Variants in ADAM32 observed in about 807,000 individuals in gnomAD.
ADAM32 encodes ADAM metallopeptidase domain 32, also known as disintegrin and metalloproteinase domain-containing protein 32.
A neutral mutation model predicts 114.9 loss-of-function variants in ADAM32; 89 were observed. That is an observed-to-expected ratio of 0.77 (90% CI 0.65 to 0.92). ADAM32 has a LOEUF of 0.92. ADAM32 is among the 40% of genes least tolerant of loss of function. The pLI is 0.00. For synonymous variants in ADAM32, 285 were observed against 307.5 expected, an observed-to-expected ratio of 0.93 and a Z score of 0.77; for missense variants, 870 against 932.8, an observed-to-expected ratio of 0.93 and a Z score of 0.88.
chr8:39,223,069 G>T lies in ADAM32; in HGVS notation c.1356G>T (p.Pro452=). 6.3e-7 allele frequency: 1 copy of T among 1,588,108 alleles called. No individual in the cohort carries two copies. The highest frequency in any genetic ancestry group is 8.6e-7 in the Non-Finnish European group (1 of 1,167,924). Residue 452 remains proline, a synonymous_variant, in exon 14 of 25, where the codon CCG becomes CCT. Transcript: ENST00000379907. The part of the protein sequence containing the change: ...QILQSGVECR[P]KAHPECDIAE... ...TACAATCAGGCGTTGAATGTAGGCC[G>T]AAAGCACATCCTGAATGTGACATCG...
chr8:39,176,967 T>C (rs1265378302), intron 10 of ADAM32, among the ~76,000 whole-genome samples: 2 of 152,236 alleles, frequency 1.3e-5, no homozygotes, highest in African/African-American at 4.8e-5. Context: ...TTTTGATCTT[T>C]GTTGGTTTAA....
intron 2 of ADAM32, among the ~76,000 whole-genome samples, chr8:39,133,572 G>A (rs755958858): frequency 6.6e-6 from 1 of 152,186 alleles, no homozygotes; most frequent in Non-Finnish European, 1.5e-5. Context: ...GCAGTAGTGG[G>A]CCAGTCCTCA....
intron 11 of ADAM32, among the ~76,000 whole-genome samples, chr8:39,203,710 C>T (rs976935772): frequency 3.9e-5 from 6 of 152,176 alleles, no homozygotes; most frequent in Non-Finnish European, 8.8e-5. Context: ...TTAGTTGATG[C>T]GGTTTCTTCC....
chr8:39,260,304 G>T (rs34935896), intron 19 of ADAM32, among the ~76,000 whole-genome samples: 4,719 of 152,140 alleles, frequency 0.031, 102 homozygotes, highest in Non-Finnish European at 0.05. Context: ...CAATTTGGAT[G>T]CCCTTTTTTT....
At chr8:39,236,745 T>G (rs952411120) in intron 16 of ADAM32, among the ~76,000 whole-genome samples, 3 of 152,058 alleles carry the variant, frequency 2.0e-5, no homozygotes, top group African/African-American at 7.2e-5. Context: ...AACACATGGG[T>G]CAAAGAAAAA....
chr8:39,227,340 A>G (rs916996510), intron 14 of ADAM32, among the ~76,000 whole-genome samples: 6 of 152,202 alleles, frequency 3.9e-5, no homozygotes, highest in African/African-American at 1.4e-4. Context: ...ACAGGGGTAG[A>G]TGAAGCAGGA....
chr8:39,161,452 G>A lies in ADAM32; in HGVS notation c.594+487G>A, dbSNP rs990660185. 2.0e-5 allele frequency among the ~76,000 whole-genome samples: 3 copies of A among 152,288 alleles called. No individual in the cohort carries two copies. In the East Asian group the frequency reaches 5.8e-4, roughly 29 times the overall value. On this transcript the variant is annotated intron_variant, in intron 7 of 24. Transcript: ENST00000379907. ...ACCCATTCTAGTCCATTGTTTACCT[G>A]TTGAAAAGAGTACCTCGAGATTCCT...
chr8:39,264,234 T>C (rs190140632), intron 19 of ADAM32, among the ~76,000 whole-genome samples: 1 of 152,354 alleles, frequency 6.6e-6, no homozygotes, highest in East Asian at 1.9e-4. Flanking sequence ...GTGAGCATAA[T>C]ACTTGTAACT....
chr8:39,135,149 C>G (rs866537839), intron 2 of ADAM32, among the ~76,000 whole-genome samples: 4 of 152,138 alleles, frequency 2.6e-5, no homozygotes, highest in South Asian at 4.1e-4. Flanking sequence ...GAGCGAAACT[C>G]TGTCGCAAGA....
chr8:39,145,790 G>A (rs1230459111), intron 3 of ADAM32, among the ~76,000 whole-genome samples: 7 of 151,992 alleles, frequency 4.6e-5, no homozygotes, highest in Admixed American at 2.6e-4. Flanking sequence ...GGAAAGCAGT[G>A]GTGGCATCTC....
chr8:39,176,456 T>C (rs967803113), intron 10 of ADAM32, among the ~76,000 whole-genome samples: 4 of 152,206 alleles, frequency 2.6e-5, no homozygotes, highest in African/African-American at 9.6e-5. Flanking sequence ...CAGGAGTCCT[T>C]TGGGAGCAGG....
intron 17 of ADAM32, among the ~76,000 whole-genome samples, chr8:39,251,045 T>A (rs1811255527): frequency 6.6e-6 from 1 of 151,974 alleles, no homozygotes; most frequent in African/African-American, 2.4e-5. Flanking sequence ...TGTGTATGTA[T>A]CTCACATTTT....
At chr8:39,159,970 G>A (rs1355440983) in intron 6 of ADAM32, among the ~76,000 whole-genome samples, 1 of 152,062 alleles carries the variant, frequency 6.6e-6, no homozygotes. Flanking sequence ...CCCCCCTCAA[G>A]CATTGTCCTG....
chr8:39,250,766 G>A lies in ADAM32; in HGVS notation c.1903-3648G>A, dbSNP rs140808717. Among the ~76,000 whole-genome samples the A allele has an allele frequency of 4.6e-3, 694 of 151,830 alleles. 6 individuals carry two copies. Among genetic ancestry groups the A allele is most frequent in the African/African-American group, 0.015 (628 of 41,478 alleles). On this transcript the variant is annotated intron_variant, in intron 17 of 24. Transcript: ENST00000379907. ...ATCCTACTGATCTGTCAAACACTTG[G>A]TCTTACTTCTTCTTTCAAACTGGAT... is the stretch of plus-strand genomic sequence containing the variant.
chr8:39,204,450 C>T (rs749477002), intron 11 of ADAM32, among the ~76,000 whole-genome samples: 26 of 152,164 alleles, frequency 1.7e-4, no homozygotes, highest in African/African-American at 4.8e-4. Context: ...GCATTTGTCA[C>T]GTAGTTCTCG....
intron 17 of ADAM32, among the ~76,000 whole-genome samples, chr8:39,247,269 A>C (rs1031548757): frequency 1.1e-4 from 17 of 152,118 alleles, no homozygotes; most frequent in African/African-American, 4.1e-4. Context: ...TTTTGTTAGA[A>C]ACTGACAAAA....
At chr8:39,262,986 G>A (rs1385217746) in intron 19 of ADAM32, among the ~76,000 whole-genome samples, 6 of 152,284 alleles carry the variant, frequency 3.9e-5, no homozygotes, top group African/African-American at 1.2e-4. Flanking sequence ...GGGATTATGT[G>A]TGAGGCACCA....
chr8:39,238,182 C>T (rs1810313952), intron 16 of ADAM32, among the ~76,000 whole-genome samples: 1 of 152,208 alleles, frequency 6.6e-6, no homozygotes, highest in South Asian at 2.1e-4. Context: ...TACTTCACTC[C>T]CCTGCTACTT....
chr8:39,108,789 G>T (rs1380601234), intron 1 of ADAM32, among the ~76,000 whole-genome samples: 2 of 152,210 alleles, frequency 1.3e-5, no homozygotes, highest in Non-Finnish European at 2.9e-5. Flanking sequence ...CAGAGGTGTG[G>T]TCAAGGCCAG....
Sources: allele counts gnomAD v4.1 joint callset (sites outside exome capture counted in the v4.1 genomes callset), GRCh38; gene constraint gnomAD v4.1.1; transcripts MANE v1.5; gene names NCBI Gene and HGNC (gene_info 2026-07-23, HGNC 2026-07-21).